Variants in SCARA5 observed in about 807,000 individuals in gnomAD.
SCARA5 encodes scavenger receptor class A member 5, also known as scavenger receptor class A, member 5 (putative).
SCARA5 carries 45 observed loss-of-function variants against 46.3 expected under a neutral mutation model. The ratio of observed to expected loss-of-function variants is 0.97; its 90% CI spans 0.76 to 1.24. The LOEUF is 1.24. Among genes scored for constraint, SCARA5 ranks in the 50% most tolerant of loss-of-function variants. The probability of loss-of-function intolerance (pLI) is 0.00; values close to 1 mark genes in which losing one functional copy is unlikely to be tolerated. For synonymous variants in SCARA5, 333 were observed against 306.5 expected, an observed-to-expected ratio of 1.09 and a Z score of -0.90; for missense variants, 680 against 689.0, an observed-to-expected ratio of 0.99 and a Z score of 0.15.
At chr8:27,989,364 G>A (rs1300083331) in intron 1 of SCARA5, among the ~76,000 whole-genome samples, 1 of 152,032 alleles carries the variant, frequency 6.6e-6, no homozygotes, top group East Asian at 1.9e-4. Flanking sequence ...CTGGAGTCAA[G>A]CGCTCCACTG....
chr8:27,878,045 G>A (rs528244048), intron 8 of SCARA5, among the ~76,000 whole-genome samples: 187 of 152,316 alleles, frequency 1.2e-3, no homozygotes, highest in African/African-American at 4.0e-3. Flanking sequence ...ACAGTGGGTT[G>A]GACAGCAATG....
chr8:27,937,716 G>A (rs1235364040), intron 3 of SCARA5, among the ~76,000 whole-genome samples: 1 of 152,104 alleles, frequency 6.6e-6, no homozygotes, highest in African/African-American at 2.4e-5. Context: ...GGGTTGGCAG[G>A]GCTGGCTTCT....
chr8:27,877,231 G>A (rs1806739757), intron 8 of SCARA5, among the ~76,000 whole-genome samples: 1 of 152,154 alleles, frequency 6.6e-6, no homozygotes, highest in Non-Finnish European at 1.5e-5. Context: ...TACTGCTAGT[G>A]ACACCTGGCC....
rs545331911 is a variant in SCARA5, at chr8:27,877,100, G to A, written c.1351+2469C>T. Among the ~76,000 whole-genome samples the A allele has an allele frequency of 2.6e-5, 4 of 152,280 alleles. No individual in the cohort carries two copies. The South Asian group carries it at 8.3e-4, about 32-fold the overall frequency. On this transcript the variant is annotated intron_variant, in intron 8 of 8. Transcript: ENST00000354914. ...GCCCCCCAGCCCTGCAGCTAGCCTG[G>A]CCCATGCTAGGTGCCTGGAAACTGC...
chr8:27,884,566 G>A (rs1004627150), intron 7 of SCARA5, among the ~76,000 whole-genome samples: 1 of 152,226 alleles, frequency 6.6e-6, no homozygotes, highest in African/African-American at 2.4e-5. Flanking sequence ...GGTGCTGTGA[G>A]TCACAGAGCA....
intron 7 of SCARA5, among the ~76,000 whole-genome samples, chr8:27,889,753 C>G (rs986569515): frequency 2.6e-5 from 4 of 152,186 alleles, no homozygotes; most frequent in African/African-American, 9.7e-5. Flanking sequence ...ACCAAGAAGA[C>G]AGGGTTGCCT....
chr8:27,901,435 T>A (rs1807152404), intron 7 of SCARA5, among the ~76,000 whole-genome samples: 1 of 152,040 alleles, frequency 6.6e-6, no homozygotes, highest in South Asian at 2.1e-4. Context: ...ACCCCGTAGA[T>A]CCTACGGTGG....
chr8:27,916,097 A>G (rs987216859), intron 4 of SCARA5, among the ~76,000 whole-genome samples: 2 of 152,242 alleles, frequency 1.3e-5, no homozygotes, highest in African/African-American at 4.8e-5. Flanking sequence ...CAGAAAATAG[A>G]ACCCCCACTG....
chr8:27,906,342 A>T (rs976421879), intron 6 of SCARA5, among the ~76,000 whole-genome samples: 11 of 152,264 alleles, frequency 7.2e-5, no homozygotes, highest in Non-Finnish European at 5.9e-5. Flanking sequence ...CTGTAAAAGT[A>T]GGTTCCCCTA....
intron 8 of SCARA5, among the ~76,000 whole-genome samples, chr8:27,879,251 G>A (rs976273461): frequency 6.6e-6 from 1 of 152,140 alleles, no homozygotes; most frequent in Admixed American, 6.5e-5. Context: ...CGTTATAAAG[G>A]TCTAAAGAGC....
intron 5 of SCARA5, 112 bp downstream of exon 5, chr8:27,909,551 A>G: frequency 1.5e-6 from 1 of 689,536 alleles, no homozygotes; most frequent in Non-Finnish European, 2.5e-6. Context: ...TTTGAGGCGG[A>G]GTTGATTGGG....
intron 7 of SCARA5, chr8:27,904,358 C>A: frequency 3.6e-6 from 1 of 281,368 alleles, no homozygotes; most frequent in Admixed American, 4.7e-5. Flanking sequence ...TAATCACAAA[C>A]AGGTACTGAG....
intron 7 of SCARA5, among the ~76,000 whole-genome samples, chr8:27,882,759 C>A (rs556381220): frequency 6.6e-6 from 1 of 152,204 alleles, no homozygotes; most frequent in African/African-American, 2.4e-5. Context: ...GGAAAAATCT[C>A]TGCTGGGTAG....
chr8:27,959,673 TTA>T (rs1443246974), intron 3 of SCARA5, among the ~76,000 whole-genome samples: 7 of 152,314 alleles, frequency 4.6e-5, no homozygotes, highest in African/African-American at 1.7e-4. Flanking sequence ...GAATGCCTTG[TTA>T]TGATATGATT....
intron 2 of SCARA5, among the ~76,000 whole-genome samples, chr8:27,984,329 A>C (rs1455282907): frequency 6.6e-6 from 1 of 151,890 alleles, no homozygotes; most frequent in Non-Finnish European, 1.5e-5. Flanking sequence ...TCATCTCAAC[A>C]CTCTACTCTG....
intron 3 of SCARA5, among the ~76,000 whole-genome samples, chr8:27,933,216 A>C (rs1223445365): frequency 6.6e-6 from 1 of 152,150 alleles, no homozygotes; most frequent in Admixed American, 6.5e-5. Flanking sequence ...AGACAGTGAC[A>C]AGTGGTTAGA....
At chr8:27,883,110 C>T (rs973386815) in intron 7 of SCARA5, among the ~76,000 whole-genome samples, 1 of 152,230 alleles carries the variant, frequency 6.6e-6, no homozygotes, top group Admixed American at 6.5e-5. Context: ...TCACATTGAT[C>T]TCTAAACTCA....
chr8:27,977,282 C>T lies in SCARA5; in HGVS notation c.112+10222G>A, dbSNP rs897666680. ...CATAGGAATTTGGAGGGGACACAAA[C>T]ATTCAGTCCATTGCACCCACAGAAA... On this transcript the variant is annotated intron_variant, in intron 2 of 8. Coordinates refer to ENST00000354914, the MANE Select transcript of SCARA5 (RefSeq NM_173833.6). Among the ~76,000 whole-genome samples the T allele has an allele frequency of 3.3e-5, 5 of 152,182 alleles. No individual in the cohort carries two copies. The East Asian group carries it at 9.6e-4, about 29-fold the overall frequency.
intron 3 of SCARA5, among the ~76,000 whole-genome samples, chr8:27,957,998 G>A (rs73568971): frequency 0.19 from 29,176 of 149,714 alleles, 3,022 homozygotes; most frequent in East Asian, 0.42. Flanking sequence ...ATGGATGAGC[G>A]TGTCTGTGTT....
Sources: gnomAD v4.1 joint callset for allele counts (sites outside exome capture counted in the v4.1 genomes callset) on GRCh38, gnomAD v4.1.1 for gene constraint, MANE v1.5 for transcripts, NCBI Gene and HGNC (gene_info 2026-07-23, HGNC 2026-07-21) for gene names.